The following SPEG variants were observed in gnomAD, a reference collection of about 807,000 sequenced individuals.
SPEG encodes striated muscle enriched protein kinase, also known as striated muscle preferentially expressed protein kinase.
Under a neutral mutation model 300.4 loss-of-function variants are expected in SPEG, and 114 were observed. That is an observed-to-expected ratio of 0.38 (90% CI 0.33 to 0.44). SPEG has a LOEUF of 0.44. Ranked by LOEUF, SPEG falls within the 20% of genes least tolerant of loss-of-function variation. The probability of loss-of-function intolerance (pLI) is 1.00; values close to 1 mark genes in which losing one functional copy is unlikely to be tolerated. For missense variants in SPEG, 4,201 were observed against 4,586.2 expected (o/e 0.92, Z 2.43); for synonymous variants, 1,964 against 2,018.9 (o/e 0.97, Z 0.73).
chr2:219,488,387 G>A (rs1053378502), intron 32 of SPEG, 77 bp downstream of exon 32: 32 of 1,493,414 alleles, frequency 2.1e-5, no homozygotes, highest in Admixed American at 1.9e-4. Flanking sequence ...GGGCTAGGCC[G>A]GAGTGGGGAC....
At chr2:219,447,866 A>AC in intron 3 of SPEG, 108 bp from the exon 4 acceptor site, 1 of 1,020,826 alleles carries the variant, frequency 9.8e-7, no homozygotes, top group Non-Finnish European at 1.4e-6. Context: ...GGCCCATGTC[A>AC]CCCCCAAGCC....
At chr2:219,457,571 G>A (rs1254099290) in intron 6 of SPEG, among the ~76,000 whole-genome samples, 1 of 152,230 alleles carries the variant, frequency 6.6e-6, no homozygotes, top group African/African-American at 2.4e-5. Flanking sequence ...ATGACAGACT[G>A]AGACTGTCTC....
intron 6 of SPEG, chr2:219,460,464 G>A: frequency 1.0e-6 from 1 of 985,470 alleles, no homozygotes; most frequent in Non-Finnish European, 1.2e-6. Context: ...AAATGGGTCA[G>A]GGCAAGTGTC....
rs781120635 is a variant in SPEG, at chr2:219,488,613, G to A, written c.7974G>A (p.Ser2658=). The A allele has an allele frequency of 7.4e-5, 119 of 1,611,628 alleles. No individual in the cohort carries two copies. The highest frequency in any genetic ancestry group is 6.9e-5 in the Non-Finnish European group (81 of 1,179,056). ...GKRHAGLYEC[S]ATNVLGSITS... ...GGCACGCCGGTCTCTATGAGTGCTCGGCCACCAACGTACTGGGCAGCATCA... is the reference window on the plus strand; with the variant it reads ...GGCACGCCGGTCTCTATGAGTGCTCAGCCACCAACGTACTGGGCAGCATCA... The change falls in exon 33 of 41, where the codon TCG becomes TCA. Residue 2658 remains serine (S), a synonymous_variant. Transcript: ENST00000312358.
At position 219,448,580 on chromosome 2, in the gene SPEG, G is replaced by A. The variant is rs958187269; in HGVS notation, c.1422G>A (p.Ala474=). The A allele has an allele frequency of 8.9e-6, 13 of 1,454,314 alleles. No individual in the cohort carries two copies. The highest frequency in any genetic ancestry group is 1.5e-5 in the African/African-American group (1 of 67,392). The allele number at this position is 1,454,314 out of a possible 1,614,324, so 90.1% of individuals were successfully genotyped here. A position where few individuals can be genotyped will look rare whatever the true frequency, so the allele number is the denominator to read the frequency against. The change falls in exon 4 of 41, where the codon GCG becomes GCA. Residue 474 remains alanine, a synonymous_variant. Transcript: ENST00000312358. ...GGCGCCGCCTGTTCCAGCAGAAAGC[G>A]GCCTCGCTGGACGAGCGCACGCGTC... ...AERRRLFQQK[A]ASLDERTRQR... is the part of the protein sequence containing the mutation.
chr2:219,482,538 A>G (rs1357479607), intron 28 of SPEG: 4 of 510,414 alleles, frequency 7.8e-6, no homozygotes, highest in African/African-American at 7.7e-5. Flanking sequence ...AAGCCTACCT[A>G]GGGGAGCCAC....
In SPEG at chr2:219,477,737, G is replaced by A. The variant is rs375071179; in HGVS notation, c.4778G>A (p.Arg1593Gln). The change falls in exon 21 of 41, where the codon CGA (arginine) becomes CAA (glutamine). Residue 1593 changes from arginine to glutamine, a missense_variant. This residue lies in a region of SPEG where 1,047 missense variants were observed against 1,356.8 expected (regional missense o/e 0.77). Transcript: ENST00000312358. The surrounding 1 kb of genome is among the most constrained non-coding windows in gnomAD (Gnocchi z 6.4). ...GGGGTCGGGGAGGATGAGGACCATC[G>A]AGGAAGGAGACTCAGCGACTTTTAT... is the stretch of plus-strand genomic sequence containing the variant. ...VEGVGEDEDH[R>Q]GRRLSDFYDI... 33 of 1,608,810 alleles carry A rather than the reference G, an allele frequency of 2.1e-5. No homozygotes were observed. The highest frequency in any genetic ancestry group is 1.5e-4 in the African/African-American group (11 of 74,982).
Position 219,449,193 on chromosome 2 carries a change from C to A in SPEG, c.2035C>A (p.Pro679Thr). ...RLRRGPEEDG[P>T]WGPWDRRGAR... Reference sequence around the variant, plus strand: ...TCGCAGAGGGCCGGAGGAGGACGGTCCCTGGGGGCCCTGGGACCGCCGAGG... The same window carrying A: ...TCGCAGAGGGCCGGAGGAGGACGGTACCTGGGGGCCCTGGGACCGCCGAGG... Residue 679 changes from proline (P) to threonine (T), a missense_variant, in exon 4 of 41, where the codon CCC (proline) becomes ACC (threonine). By Grantham distance (38) the Pro-to-Thr change is conservative (BLOSUM62 -1). Around this residue, in one of 4 missense-constraint regions of SPEG, gnomAD observed 1,258 missense variants for 1,293.9 expected, o/e 0.97. Transcript: ENST00000312358. 1 of 1,394,246 alleles carries A rather than the reference C, an allele frequency of 7.2e-7. No homozygotes were observed. The highest frequency in any genetic ancestry group is 9.3e-7 in the Non-Finnish European group (1 of 1,074,876). 86.4% of individuals were successfully genotyped at this position (1,394,246 alleles called of 1,614,324 possible). A position where few individuals can be genotyped will look rare whatever the true frequency, so the allele number is the denominator to read the frequency against.
chr2:219,484,571 G>C lies in SPEG; in HGVS notation c.7108G>C (p.Asp2370His). ...CCCCTTCCGTGGGGCCGAGGAGGAG[G>C]ATGGCATATACCGGCCCAGCCCGGC... ...RGPFRGAEEE[D>H]GIYRPSPAGT... The change falls in exon 30 of 41, where the codon GAT (aspartate) becomes CAT (histidine). Residue 2370 changes from aspartate (D) to histidine (H), a missense_variant. Physicochemically the swap from Asp to His is moderately conservative, Grantham distance 81 (BLOSUM62 -1). Coordinates refer to ENST00000312358, the MANE Select transcript of SPEG (RefSeq NM_005876.5). 6.3e-7 allele frequency: 1 copy of C among 1,585,504 alleles called. No individual in the cohort carries two copies. The highest frequency in any genetic ancestry group is 8.5e-7 in the Non-Finnish European group (1 of 1,170,252).
At position 219,476,910 on chromosome 2, in the gene SPEG, G is replaced by C; in HGVS notation, c.4488G>C (p.Val1496=). Residue 1496 remains valine, a synonymous_variant, in exon 19 of 41, where the codon GTG becomes GTC. Transcript: ENST00000312358. ...AGTCCATCATGGAGGACGTGGAGGT[G>C]GGGGCTGGGGAAACTGCTCGCTTTG... ...RFESIMEDVE[V]GAGETARFAV... is the part of the protein sequence containing the mutation. 1 of 1,613,752 alleles carries C rather than the reference G, an allele frequency of 6.2e-7. No homozygotes were observed. Among genetic ancestry groups the C allele is most frequent in the Non-Finnish European group, 8.5e-7 (1 of 1,179,910 alleles).
chr2:219,447,013 GCCCCCTCACCCA>G (rs963224878), intron 3 of SPEG, among the ~76,000 whole-genome samples: 3 of 116,738 alleles, frequency 2.6e-5, no homozygotes, highest in Admixed American at 1.9e-4. Context: ...TGTGTGATGT[GCCCCCTCACCCA>G]CCCCCTCCTC....
chr2:219,448,306 G>C lies in SPEG; in HGVS notation c.1148G>C (p.Arg383Pro), dbSNP rs538170642. The C allele has an allele frequency of 3.4e-4, 550 of 1,607,594 alleles. 7 individuals carry two copies. The South Asian group carries it at 5.6e-3, about 16-fold the overall frequency. ...ACGCCACTGAGCGAGGCCTCAGGCC[G>C]CCTGTCGGCGTTGGGCCGATCGCCT... ...PQTPLSEASG[R>P]LSALGRSPRL... The change falls in exon 4 of 41, where the codon CGC becomes CCC. Residue 383 changes from arginine (R) to proline (P), a missense_variant. Physicochemically the swap from Arg to Pro is moderately radical, Grantham distance 103. Around this residue, in one of 4 missense-constraint regions of SPEG, gnomAD observed 1,258 missense variants for 1,293.9 expected, o/e 0.97. Coordinates refer to ENST00000312358, the MANE Select transcript of SPEG (RefSeq NM_005876.5).
At chr2:219,468,548 C>T (rs1349562373) in intron 10 of SPEG, 30 bp from the exon 11 acceptor site, 2 of 1,604,332 alleles carry the variant, frequency 1.2e-6, no homozygotes, top group African/African-American at 2.7e-5. Context: ...CTTAGCCTTC[C>T]CTATCTCTGA....
In SPEG at chr2:219,448,884, C is replaced by T; in HGVS notation, c.1726C>T (p.Pro576Ser). 7.1e-7 allele frequency: 1 copy of T among 1,410,896 alleles called. No homozygotes were observed. The highest frequency in any genetic ancestry group is 9.2e-7 in the Non-Finnish European group (1 of 1,091,230). 87.4% of individuals were successfully genotyped at this position (1,410,896 alleles called of 1,614,324 possible). A position where few individuals can be genotyped will look rare whatever the true frequency, so the allele number is the denominator to read the frequency against. Residue 576 changes from proline (P) to serine (S), a missense_variant, in exon 4 of 41, where the codon CCG becomes TCG. Pro to Ser is a moderately conservative substitution (Grantham distance 74, BLOSUM62 -1). Around this residue, in one of 4 missense-constraint regions of SPEG, gnomAD observed 1,258 missense variants for 1,293.9 expected, o/e 0.97. Transcript: ENST00000312358. Reference sequence around the variant, plus strand: ...GCCTGGGAGGCCCAGGAGCCGCGGGCCGGCGGGCAGGACAGAGCCGGGGGA... The same window carrying T: ...GCCTGGGAGGCCCAGGAGCCGCGGGTCGGCGGGCAGGACAGAGCCGGGGGA... ...DEPGRPRSRG[P>S]AGRTEPGEGP...
At chr2:219,476,010 T>A (rs1052884683) in intron 18 of SPEG, among the ~76,000 whole-genome samples, 1 of 138,266 alleles carries the variant, frequency 7.2e-6, no homozygotes, top group African/African-American at 2.6e-5. Flanking sequence ...CAGTCTGAGA[T>A]GCTCAAACAC....
Position 219,469,176 on chromosome 2 carries a change from C to T in SPEG, c.3512C>T (p.Pro1171Leu). The T allele has an allele frequency of 6.2e-7, 1 of 1,613,918 alleles. No individual in the cohort carries two copies. The highest frequency in any genetic ancestry group is 8.5e-7 in the Non-Finnish European group (1 of 1,180,000). The change falls in exon 13 of 41, where the codon CCA (proline) becomes CTA (leucine). Residue 1171 changes from proline to leucine, a missense_variant. Pro to Leu is a moderately conservative substitution (Grantham distance 98). This residue lies in a region of SPEG where 1,047 missense variants were observed against 1,356.8 expected (regional missense o/e 0.77). Transcript: ENST00000312358. ...TGCAGCTCGAAGCTGGAGAAGATGC[C>T]ATCCATTCCCGAGGAGCCAGAGCAG... ...SGPSSKLEKM[P>L]SIPEEPEQGE...
At position 219,477,216 on chromosome 2, in the gene SPEG, C is replaced by CGGGGCCCGGTACAGCGGCT; in HGVS notation, c.4561-61_4561-60insGGGGCCCGGTACAGCGGCT. 6.8e-7 allele frequency: 1 copy of CGGGGCCCGGTACAGCGGCT among 1,467,326 alleles called. No homozygotes were observed. The highest frequency in any genetic ancestry group is 9.2e-7 in the Non-Finnish European group (1 of 1,088,648). The allele number at this position is 1,467,326 out of a possible 1,614,324, so 90.9% of individuals were successfully genotyped here. A position where few individuals can be genotyped will look rare whatever the true frequency, so the allele number is the denominator to read the frequency against. Reference sequence around the variant, plus strand: ...GCGCTGCCCAGAGTAGGAGATGAGGCCCTGGCCCCAAGGTAGAGATGAGGC... The same window carrying CGGGGCCCGGTACAGCGGCT: ...GCGCTGCCCAGAGTAGGAGATGAGGCGGGGCCCGGTACAGCGGCTCCTGGCCCCAAGGTAGAGATGAGGC... On this transcript the variant is annotated intron_variant, in intron 19 of 40. Coordinates refer to ENST00000312358, the MANE Select transcript of SPEG (RefSeq NM_005876.5). The surrounding 1 kb of genome is among the most constrained non-coding windows in gnomAD (Gnocchi z 6.4).
chr2:219,454,738 T>C (rs1279324853), intron 6 of SPEG, among the ~76,000 whole-genome samples: 1 of 152,198 alleles, frequency 6.6e-6, no homozygotes, highest in Non-Finnish European at 1.5e-5. Flanking sequence ...CAACAACTGA[T>C]TTAGGGTGAT....
intron 38 of SPEG, 134 bp downstream of exon 38, chr2:219,491,090 GTGGAT>G: frequency 1.4e-6 from 1 of 693,630 alleles, no homozygotes. Context: ...AACGAAGTAT[GTGGAT>G]TGATCTTTAC....
Sources: allele counts gnomAD v4.1 joint callset (sites outside exome capture counted in the v4.1 genomes callset), GRCh38; gene constraint gnomAD v4.1.1; regional missense constraint gnomAD v4.1.1; non-coding constraint Gnocchi (gnomAD v3.1); transcripts MANE v1.5; gene names NCBI Gene and HGNC (gene_info 2026-07-23, HGNC 2026-07-21).